Variants in ITGA1 observed in about 807,000 individuals in gnomAD.
ITGA1 encodes integrin alpha-1.
Under a neutral mutation model 145.9 loss-of-function variants are expected in ITGA1, and 85 were observed. The ratio of observed to expected loss-of-function variants is 0.58; its 90% CI spans 0.49 to 0.70. The LOEUF (loss-of-function observed/expected upper bound fraction) is 0.70. Among genes scored for constraint, ITGA1 ranks in the 30% least tolerant of loss-of-function variants. The pLI, the probability that ITGA1 is intolerant of heterozygous loss-of-function variation, is 0.00. For missense variants in ITGA1, 1,351 were observed against 1,418.7 expected, an observed-to-expected ratio of 0.95 and a Z score of 0.77; for synonymous variants, 520 against 495.3, an observed-to-expected ratio of 1.05 and a Z score of -0.66.
At chr5:52,865,902 A>G in intron 6 of ITGA1, 85 bp downstream of exon 6, 2 of 1,123,490 alleles carry the variant, frequency 1.8e-6, no homozygotes, top group South Asian at 4.4e-5. Context: ...CTGAAAGCAA[A>G]TTAATCAATA....
chr5:52,922,801 G>A lies in ITGA1; in HGVS notation c.2317G>A (p.Val773Met). ...GGACAAGCATGACTTTCAGGACTCT[G>A]TGAGAATAACGTTGGACTTTAATCT... Reference protein sequence around the residue: ...MLDKHDFQDSVRITLDFNLTD... With the variant: ...MLDKHDFQDSMRITLDFNLTD... The change falls in exon 18 of 29, where the codon GTG becomes ATG. Residue 773 changes from valine (V) to methionine (M), a missense_variant. Val to Met is a conservative substitution (Grantham distance 21, BLOSUM62 1). Transcript: ENST00000282588. The A allele has an allele frequency of 6.2e-7, 1 of 1,612,784 alleles. No individual in the cohort carries two copies. Among genetic ancestry groups the A allele is most frequent in the Non-Finnish European group, 8.5e-7 (1 of 1,178,812 alleles).
At chr5:52,811,265 A>G (rs1362537929) in intron 1 of ITGA1, among the ~76,000 whole-genome samples, 1 of 152,168 alleles carries the variant, frequency 6.6e-6, no homozygotes, top group Non-Finnish European at 1.5e-5. Flanking sequence ...AGGTTGTGTG[A>G]CTTGAGGAAA....
chr5:52,840,035 TAGGTAA>T (rs1749228082), intron 1 of ITGA1, among the ~76,000 whole-genome samples: 3 of 152,176 alleles, frequency 2.0e-5, no homozygotes, highest in African/African-American at 7.2e-5. Context: ...TTAAAGCTAG[TAGGTAA>T]ATTAAAAATA....
At chr5:52,867,794 C>A (rs1024299416) in intron 6 of ITGA1, among the ~76,000 whole-genome samples, 1 of 152,028 alleles carries the variant, frequency 6.6e-6, no homozygotes, top group Non-Finnish European at 1.5e-5. Context: ...TTTCTGCTTG[C>A]TGATGGCAGA....
intron 11 of ITGA1, chr5:52,903,670 G>T (rs1188417801): frequency 1.3e-5 from 2 of 152,162 alleles, no homozygotes; most frequent in African/African-American, 4.8e-5. Flanking sequence ...TTTTCTCAGT[G>T]AGAAGTGCTA....
intron 13 of ITGA1, 79 bp from the exon 14 acceptor site, chr5:52,910,083 G>T (rs976245894): frequency 7.3e-7 from 1 of 1,364,118 alleles, no homozygotes; most frequent in South Asian, 1.4e-5. Flanking sequence ...TAATAGCACT[G>T]ATTTAGTATA....
chr5:52,892,742 G>T (rs1479745854), intron 8 of ITGA1, among the ~76,000 whole-genome samples: 1 of 151,816 alleles, frequency 6.6e-6, no homozygotes, highest in Non-Finnish European at 1.5e-5. Flanking sequence ...AGACACAAAT[G>T]GCTACATACT....
At position 52,959,036 on chromosome 5, in the gene ITGA1, A is replaced by C. The variant is rs1258463168; in HGVS notation, c.*6585A>C. ...TAATTAGAAATAGCTGAGAGAGTAA[A>C]AAAGCATTTTGAATGTCCTATGTAT... On this transcript the variant is annotated 3_prime_UTR_variant, in exon 29 of 29. Transcript: ENST00000282588. 6.6e-6 allele frequency: 1 copy of C among 152,180 alleles called. No individual in the cohort carries two copies. Among genetic ancestry groups the C allele is most frequent in the Non-Finnish European group, 1.5e-5 (1 of 68,018 alleles). The allele number at this position is 152,180 out of a possible 1,614,324, so 9.4% of individuals were successfully genotyped here. A position where few individuals can be genotyped will look rare whatever the true frequency, so the allele number is the denominator to read the frequency against.
intron 20 of ITGA1, among the ~76,000 whole-genome samples, chr5:52,928,456 G>A (rs759907139): frequency 9.2e-5 from 14 of 152,150 alleles, no homozygotes; most frequent in South Asian, 2.1e-4. Context: ...GAGTTCACTC[G>A]TTGAAAGTGT....
intron 14 of ITGA1, among the ~76,000 whole-genome samples, chr5:52,913,944 T>G (rs1250728831): frequency 6.6e-6 from 1 of 152,214 alleles, no homozygotes; most frequent in Non-Finnish European, 1.5e-5. Context: ...ACAGGCAATA[T>G]TAATGACTGG....
At chr5:52,808,499 A>C (rs543879437) in intron 1 of ITGA1, among the ~76,000 whole-genome samples, 5 of 152,280 alleles carry the variant, frequency 3.3e-5, no homozygotes, top group African/African-American at 1.2e-4. Flanking sequence ...TAGTGTAAAC[A>C]TTGACTAGAA....
At chr5:52,916,071 G>A (rs1359928739) in intron 15 of ITGA1, among the ~76,000 whole-genome samples, 1 of 152,102 alleles carries the variant, frequency 6.6e-6, no homozygotes, top group Admixed American at 6.6e-5. Flanking sequence ...CCTTTAAAAT[G>A]CCTAAATCCC....
At chr5:52,820,262 C>T (rs1478905924) in intron 1 of ITGA1, among the ~76,000 whole-genome samples, 12 of 150,540 alleles carry the variant, frequency 8.0e-5, no homozygotes, top group Non-Finnish European at 1.5e-4. Context: ...TCTCAGCAAA[C>T]TATCGCAAGG....
At chr5:52,827,461 C>G (rs1023301082) in intron 1 of ITGA1, among the ~76,000 whole-genome samples, 1 of 152,078 alleles carries the variant, frequency 6.6e-6, no homozygotes. Flanking sequence ...GACGATAAAG[C>G]AATGTCAGGA....
intron 20 of ITGA1, 24 bp downstream of exon 20, chr5:52,927,688 T>C (rs778260224): frequency 4.2e-5 from 59 of 1,406,340 alleles, no homozygotes; most frequent in Non-Finnish European, 5.7e-5. Context: ...ACAAAATACA[T>C]GTAGAAATTG....
At chr5:52,936,437 TG>T (rs772243296) in intron 23 of ITGA1, among the ~76,000 whole-genome samples, 1 of 152,182 alleles carries the variant, frequency 6.6e-6, no homozygotes, top group Non-Finnish European at 1.5e-5. Context: ...CCCAGGAAAC[TG>T]CTTCAGATCT....
At chr5:52,835,856 G>C (rs572185836) in intron 1 of ITGA1, among the ~76,000 whole-genome samples, 1 of 152,246 alleles carries the variant, frequency 6.6e-6, no homozygotes, top group South Asian at 2.1e-4. Context: ...ATGTTAGAAA[G>C]CTTTCGAAAA....
chr5:52,850,516 T>G (rs1027339308), intron 2 of ITGA1, among the ~76,000 whole-genome samples: 1 of 152,156 alleles, frequency 6.6e-6, no homozygotes, highest in Non-Finnish European at 1.5e-5. Context: ...AAAAAGAGAT[T>G]TATATCTACT....
chr5:52,937,534 G>A lies in ITGA1; in HGVS notation c.3078+20G>A. On this transcript the variant is annotated intron_variant, in intron 24 of 28. Coordinates refer to ENST00000282588, the MANE Select transcript of ITGA1 (RefSeq NM_181501.2). Reference sequence around the variant, plus strand: ...TCTGAGGTAAGTCATGTGTGCCTTGGAATTATGTCATTACTGTTATCTTTT... The same window carrying A: ...TCTGAGGTAAGTCATGTGTGCCTTGAAATTATGTCATTACTGTTATCTTTT... The A allele has an allele frequency of 1.5e-6, 2 of 1,368,194 alleles. No individual in the cohort carries two copies. Among genetic ancestry groups the A allele is most frequent in the Non-Finnish European group, 2.1e-6 (2 of 957,418 alleles). The allele number at this position is 1,368,194 out of a possible 1,614,324, so 84.8% of individuals were successfully genotyped here.
Sources: gnomAD v4.1 joint callset for allele counts (sites outside exome capture counted in the v4.1 genomes callset) on GRCh38, gnomAD v4.1.1 for gene constraint, MANE v1.5 for transcripts, NCBI Gene and HGNC (gene_info 2026-07-23, HGNC 2026-07-21) for gene names.